The following ALS2 variants were observed in gnomAD, a reference collection of about 807,000 sequenced individuals.
ALS2 encodes alsin Rho guanine nucleotide exchange factor ALS2.
A neutral mutation model predicts 203.4 loss-of-function variants in ALS2; 117 were observed. The ratio of observed to expected loss-of-function variants is 0.58; its 90% CI spans 0.50 to 0.67. ALS2 has a LOEUF of 0.67. Ranked by LOEUF, ALS2 falls within the 30% of genes least tolerant of loss-of-function variation. The pLI, the probability that ALS2 is intolerant of heterozygous loss-of-function variation, is 0.00. For synonymous variants in ALS2, 718 were observed against 725.9 expected (o/e 0.99, Z 0.17); for missense variants, 1,715 against 1,989.4 (o/e 0.86, Z 2.62).
chr2:201,770,905 C>T (rs1433615097), intron 1 of ALS2, among the ~76,000 whole-genome samples: 1 of 152,192 alleles, frequency 6.6e-6, no homozygotes, highest in Admixed American at 6.5e-5. Context: ...CTGTGACAGA[C>T]TTTCAGCCCA....
At chr2:201,705,611 T>G in intron 29 of ALS2, 150 bp from the exon 30 acceptor site, 1 of 662,844 alleles carries the variant, frequency 1.5e-6, no homozygotes, top group South Asian at 1.9e-5. Flanking sequence ...ATTCCAGAAG[T>G]GATTTAAGAG....
chr2:201,755,942 T>C (rs1693359198), intron 5 of ALS2, among the ~76,000 whole-genome samples: 1 of 152,182 alleles, frequency 6.6e-6, no homozygotes, highest in Non-Finnish European at 1.5e-5. Context: ...CACTGCCTAA[T>C]ATCAACATCT....
chr2:201,761,417 G>C lies in ALS2; in HGVS notation c.577C>G (p.Gln193Glu), dbSNP rs753636799. 6.2e-7 allele frequency: 1 copy of C among 1,608,320 alleles called. No homozygotes were observed. The highest frequency in any genetic ancestry group is 8.5e-7 in the Non-Finnish European group (1 of 1,175,584). Residue 193 changes from glutamine to glutamate, a missense_variant, in exon 4 of 34, where the codon CAA (glutamine) becomes GAA (glutamate). Transcript: ENST00000264276. The stretch of plus-strand genomic sequence containing the variant: ...CGCCCAGCAAGATGTTCTACCTTTT[G>C]CGGCTTTGTCACTGGGAAGGCAGTG... Reference protein sequence around the residue: ...ITTAFPVTKPQKVEHLAGRVV... With the variant: ...ITTAFPVTKPEKVEHLAGRVV...
chr2:201,763,708 G>A (rs1315682431), intron 3 of ALS2: 1 of 154,984 alleles, frequency 6.5e-6, no homozygotes, highest in Non-Finnish European at 1.4e-5. Context: ...TAGAATTAAT[G>A]AAAGGCACCA....
intron 13 of ALS2, among the ~76,000 whole-genome samples, chr2:201,729,830 G>A (rs1338147818): frequency 7.3e-6 from 1 of 137,460 alleles, no homozygotes; most frequent in Non-Finnish European, 1.5e-5. Context: ...GCAGTGAGCC[G>A]AGATGCGCCA....
At chr2:201,729,641 G>A (rs1691420697) in intron 13 of ALS2, among the ~76,000 whole-genome samples, 1 of 152,040 alleles carries the variant, frequency 6.6e-6, no homozygotes, top group Non-Finnish European at 1.5e-5. Flanking sequence ...AGCACTTTGG[G>A]AGGCCGAGGC....
intron 3 of ALS2, chr2:201,763,354 T>A (rs189289948): frequency 6.1e-4 from 120 of 197,336 alleles, no homozygotes; most frequent in African/African-American, 2.7e-3. Flanking sequence ...CCAGTATCGA[T>A]GACTGCTACT....
intron 15 of ALS2, among the ~76,000 whole-genome samples, chr2:201,728,269 C>T (rs1405334556): frequency 3.3e-5 from 5 of 152,078 alleles, no homozygotes; most frequent in Admixed American, 6.5e-5. Context: ...CGACAGGCCC[C>T]GGTGTGTGAT....
At chr2:201,720,670 C>T (rs1322983040) in intron 23 of ALS2, among the ~76,000 whole-genome samples, 4 of 151,688 alleles carry the variant, frequency 2.6e-5, no homozygotes, top group Non-Finnish European at 4.4e-5. Flanking sequence ...GCTGAGAACA[C>T]GCCACTGCAC....
chr2:201,778,083 G>A (rs2106120445), intron 1 of ALS2, among the ~76,000 whole-genome samples: 1 of 151,872 alleles, frequency 6.6e-6, no homozygotes, highest in East Asian at 1.9e-4. Flanking sequence ...TTTAGGCTGT[G>A]GAAGAAAAAA....
intron 6 of ALS2, 146 bp downstream of exon 6, chr2:201,754,357 T>C: frequency 9.2e-7 from 1 of 1,088,936 alleles, no homozygotes; most frequent in Non-Finnish European, 1.4e-6. Flanking sequence ...AAGTGACAGC[T>C]TTTTATCAGA....
At chr2:201,759,745 C>T in intron 4 of ALS2, 30 of 985,018 alleles carry the variant, frequency 3.0e-5, no homozygotes, top group Non-Finnish European at 3.5e-5. Context: ...TGTTCACATT[C>T]TGACAGAGTA....
intron 4 of ALS2, 89 bp downstream of exon 4, chr2:201,760,792 C>T (rs1461970108): frequency 5.4e-6 from 8 of 1,484,220 alleles, no homozygotes; most frequent in African/African-American, 1.4e-5. Context: ...AAAAATGCTA[C>T]CAAGCCTTAC....
intron 24 of ALS2, among the ~76,000 whole-genome samples, chr2:201,716,218 G>A (rs1690379561): frequency 6.6e-6 from 1 of 151,990 alleles, no homozygotes; most frequent in African/African-American, 2.4e-5. Context: ...GACCAGCCTG[G>A]CCAACATGGT....
chr2:201,708,027 A>G (rs764659467), intron 27 of ALS2, 36 bp from the exon 28 acceptor site: 64 of 1,593,986 alleles, frequency 4.0e-5, no homozygotes, highest in Non-Finnish European at 5.3e-5. Flanking sequence ...ATACAATTAT[A>G]CCTCTAGGGG....
At chr2:201,760,189 TAGTCCC>T (rs1693673570) in intron 4 of ALS2, 1 of 552,854 alleles carries the variant, frequency 1.8e-6, no homozygotes, top group Non-Finnish European at 2.3e-6. Context: ...GGCATGTGTA[TAGTCCC>T]AGCTACTTGG....
intron 23 of ALS2, among the ~76,000 whole-genome samples, chr2:201,721,436 G>A (rs892956556): frequency 1.3e-5 from 2 of 152,140 alleles, no homozygotes; most frequent in African/African-American, 4.8e-5. Context: ...TAATCTAGAT[G>A]GTGTGGTATT....
At position 201,741,693 on chromosome 2, in the gene ALS2, A is replaced by C; in HGVS notation, c.2332T>G (p.Phe778Val). 6.2e-7 allele frequency: 1 copy of C among 1,614,142 alleles called. No homozygotes were observed. Among genetic ancestry groups the C allele is most frequent in the Non-Finnish European group, 8.5e-7 (1 of 1,180,018 alleles). ...SLVILKHSSL[F>V]LDSYTEYCTS... ...ACTTGCTCTGTATAACTATCCAAGA[A>C]GAGACTTGAATGCTTCAGGATGACC... Residue 778 changes from phenylalanine (F) to valine (V), a missense_variant, in exon 11 of 34, where the codon TTC becomes GTC. Coordinates refer to ENST00000264276, the MANE Select transcript of ALS2 (RefSeq NM_020919.4).
At chr2:201,710,376 C>T (rs974249989) in intron 26 of ALS2, among the ~76,000 whole-genome samples, 6 of 150,206 alleles carry the variant, frequency 4.0e-5, no homozygotes, top group African/African-American at 1.5e-4. Flanking sequence ...GCAGGAGGAT[C>T]AATTGAGCTC....
Sources: gnomAD v4.1 joint callset for allele counts (sites outside exome capture counted in the v4.1 genomes callset) on GRCh38, gnomAD v4.1.1 for gene constraint, MANE v1.5 for transcripts, NCBI Gene and HGNC (gene_info 2026-07-23, HGNC 2026-07-21) for gene names.